The following IGSF11 variants were observed in gnomAD, a reference collection of about 807,000 sequenced individuals.
IGSF11 encodes CXADR like 1.
Under a neutral mutation model 41.0 loss-of-function variants are expected in IGSF11, and 22 were observed. That is an observed-to-expected ratio of 0.54 (90% CI 0.38 to 0.77). The LOEUF (loss-of-function observed/expected upper bound fraction) is 0.77. Ranked by LOEUF, IGSF11 falls within the 30% of genes least tolerant of loss-of-function variation. The probability of loss-of-function intolerance (pLI) is 0.00; values close to 1 mark genes in which losing one functional copy is unlikely to be tolerated. For missense variants in IGSF11, 444 were observed against 530.8 expected (o/e 0.84, Z 1.61); for synonymous variants, 219 against 201.3 (o/e 1.09, Z -0.74).
chr3:118,936,121 A>C (rs1943256577), intron 1 of IGSF11, among the ~76,000 whole-genome samples: 1 of 152,126 alleles, frequency 6.6e-6, no homozygotes, highest in Admixed American at 6.6e-5. Context: ...TATCCTATTA[A>C]AAAAACCAAA....
chr3:119,026,413 GA>G (rs1374466454), intron 1 of IGSF11, among the ~76,000 whole-genome samples: 8 of 152,112 alleles, frequency 5.3e-5, no homozygotes, highest in Admixed American at 6.5e-5. Context: ...GACCCTTTCG[GA>G]AAGTCTATGT....
At chr3:118,904,358 T>C (rs1053146222) in intron 6 of IGSF11, among the ~76,000 whole-genome samples, 7 of 152,116 alleles carry the variant, frequency 4.6e-5, no homozygotes, top group African/African-American at 1.7e-4. Flanking sequence ...CCTTTCCCAT[T>C]GTGGCAGCCA....
rs539528268 is a variant in IGSF11, at chr3:119,003,354, C to G, written c.52+31177G>C. 2.9e-3 allele frequency among the ~76,000 whole-genome samples: 436 copies of G among 148,612 alleles called. 16 individuals carry two copies. The highest frequency in any genetic ancestry group is 0.011 in the African/African-American group (416 of 38,800). On this transcript the variant is annotated intron_variant, in intron 1 of 6. Transcript: ENST00000393775. ...CTGAGACTTTGCTGAAGTTGCTTAT[C>G]AGCTTAAGGAGATTTTGGGCTGAGA...
intron 1 of IGSF11, among the ~76,000 whole-genome samples, chr3:119,096,362 A>G (rs1292436728): frequency 6.6e-6 from 1 of 152,124 alleles, no homozygotes; most frequent in Non-Finnish European, 1.5e-5. Flanking sequence ...TATATAATGC[A>G]CACACATATA....
chr3:118,913,177 AT>A (rs1940566337), intron 4 of IGSF11, among the ~76,000 whole-genome samples: 1 of 152,132 alleles, frequency 6.6e-6, no homozygotes, highest in South Asian at 2.1e-4. Flanking sequence ...TAAGCAAAGG[AT>A]TAAAAAAACA....
chr3:119,093,065 CT>C (rs59491267), intron 1 of IGSF11, among the ~76,000 whole-genome samples: 59,112 of 151,850 alleles, frequency 0.39, 13,246 homozygotes, highest in Non-Finnish European at 0.51. Context: ...GGGAGTACCC[CT>C]GTCATTAAGT....
chr3:119,122,080 A>C (rs1370766796), intron 1 of IGSF11, among the ~76,000 whole-genome samples: 1 of 152,236 alleles, frequency 6.6e-6, no homozygotes, highest in Non-Finnish European at 1.5e-5. Context: ...AAGTACATTC[A>C]TAAAAACTAA....
intron 1 of IGSF11, among the ~76,000 whole-genome samples, chr3:119,119,320 C>A (rs1437715706): frequency 6.6e-6 from 1 of 152,190 alleles, no homozygotes; most frequent in Non-Finnish European, 1.5e-5. Context: ...AGGAGCAAGT[C>A]ACATCTTACA....
chr3:119,074,866 A>G (rs1161623927), intron 1 of IGSF11, among the ~76,000 whole-genome samples: 3 of 152,116 alleles, frequency 2.0e-5, no homozygotes, highest in Non-Finnish European at 4.4e-5. Context: ...AAATAAATAA[A>G]ATAAACAAAA....
intron 1 of IGSF11, among the ~76,000 whole-genome samples, chr3:119,088,500 C>A (rs2076713549): frequency 6.6e-6 from 1 of 152,088 alleles, no homozygotes; most frequent in Non-Finnish European, 1.5e-5. Flanking sequence ...AACAATCTAA[C>A]TTTGTGCCTA....
chr3:118,912,615 G>C (rs80147328), intron 4 of IGSF11, among the ~76,000 whole-genome samples: 1,632 of 152,184 alleles, frequency 0.011, 32 homozygotes, highest in East Asian at 0.065. Context: ...ATAACCTACA[G>C]CTTAGAGAAA....
intron 1 of IGSF11, among the ~76,000 whole-genome samples, chr3:119,073,825 AGCC>A (rs1340098897): frequency 1.3e-5 from 2 of 152,164 alleles, no homozygotes; most frequent in African/African-American, 4.8e-5. Flanking sequence ...CTCCCGCCTC[AGCC>A]AGTCCGGAGA....
intron 1 of IGSF11, among the ~76,000 whole-genome samples, chr3:119,066,718 G>C (rs1415550919): frequency 1.3e-5 from 2 of 152,116 alleles, no homozygotes; most frequent in Non-Finnish European, 1.5e-5. Context: ...ATACCTGTTT[G>C]CTATACTCCA....
chr3:118,902,747 T>C lies in IGSF11; in HGVS notation c.1069A>G (p.Ile357Val), dbSNP rs1939051445. The change falls in exon 7 of 7, where the codon ATT becomes GTT. Residue 357 changes from isoleucine to valine, a missense_variant. Around this residue, in one of 3 missense-constraint regions of IGSF11, gnomAD observed 223 missense variants for 226.2 expected, o/e 0.99. Coordinates refer to ENST00000393775, the MANE Select transcript of IGSF11 (RefSeq NM_001015887.3). ...FHSGNANIPS[I>V]YANGTHLVPG... is the part of the protein sequence containing the mutation. ...ACCAGATGGGTCCCATTAGCATAAA[T>C]GGATGGTATGTTGGCATTGCCTGAG... 1.2e-6 allele frequency: 2 copies of C among 1,614,122 alleles called. No individual in the cohort carries two copies. Among genetic ancestry groups the C allele is most frequent in the Non-Finnish European group, 1.7e-6 (2 of 1,179,992 alleles).
chr3:118,908,364 G>T (rs1939867795), intron 4 of IGSF11, among the ~76,000 whole-genome samples: 1 of 152,204 alleles, frequency 6.6e-6, no homozygotes, highest in African/African-American at 2.4e-5. Flanking sequence ...ATATAATCAG[G>T]GAAGGAGACA....
chr3:118,934,365 T>C (rs530001982), intron 1 of IGSF11, among the ~76,000 whole-genome samples: 40 of 152,230 alleles, frequency 2.6e-4, no homozygotes, highest in Middle Eastern at 3.4e-3. Context: ...TTAATATAAT[T>C]CACTTCTGGT....
Position 118,901,282 on chromosome 3 carries a change from C to G in IGSF11, c.*1238G>C, listed in dbSNP as rs992368080. ...AGTAACCACAAAAGTAATCTCTTTA[C>G]AGTGATGTAAAATGCATCTGGGCAA... On this transcript the variant is annotated 3_prime_UTR_variant, in exon 7 of 7. Transcript: ENST00000393775. 2 of 152,194 alleles carry G rather than the reference C, an allele frequency of 1.3e-5. No individual in the cohort carries two copies. Among genetic ancestry groups the G allele is most frequent in the African/African-American group, 4.8e-5 (2 of 41,420 alleles). 9.4% of individuals were successfully genotyped at this position (152,194 alleles called of 1,614,324 possible).
At chr3:119,045,018 A>G (rs957080299) in intron 1 of IGSF11, among the ~76,000 whole-genome samples, 2 of 152,248 alleles carry the variant, frequency 1.3e-5, no homozygotes, top group African/African-American at 2.4e-5. Context: ...TCAAGCAACA[A>G]TCAGCATGAT....
chr3:118,911,249 G>C (rs1940243693), intron 4 of IGSF11, among the ~76,000 whole-genome samples: 1 of 150,376 alleles, frequency 6.6e-6, no homozygotes, highest in Non-Finnish European at 1.5e-5. Context: ...CTTCATGTCA[G>C]AGGGCAAAAA....
Sources: allele counts gnomAD v4.1 joint callset (sites outside exome capture counted in the v4.1 genomes callset), GRCh38; gene constraint gnomAD v4.1.1; regional missense constraint gnomAD v4.1.1; transcripts MANE v1.5; gene names NCBI Gene and HGNC (gene_info 2026-07-23, HGNC 2026-07-21).